The following DOCK8 variants were observed in gnomAD, a reference collection of about 807,000 sequenced individuals.
The protein encoded by DOCK8 is dedicator of cytokinesis protein 8.
In DOCK8, 141 loss-of-function variants were observed where a neutral mutation model predicts 245.6. The ratio of observed to expected loss-of-function variants is 0.57; its 90% confidence interval spans 0.50 to 0.66. The LOEUF is 0.66. DOCK8 is among the 30% of genes least tolerant of loss of function. DOCK8 has a pLI of 0.00. For synonymous variants in DOCK8, 1,168 were observed against 970.2 expected (o/e 1.20, Z -3.79); for missense variants, 2,965 against 2,603.4 (o/e 1.14, Z -3.02).
At chr9:408,900 G>A (rs969691314) in intron 28 of DOCK8, among the ~76,000 whole-genome samples, 13 of 109,818 alleles carry the variant, frequency 1.2e-4, no homozygotes, top group African/African-American at 5.4e-4. Flanking sequence ...ACACACGCGC[G>A]TGCACATGCA....
At chr9:392,222 A>G (rs2054231812) in intron 24 of DOCK8, among the ~76,000 whole-genome samples, 1 of 152,170 alleles carries the variant, frequency 6.6e-6, no homozygotes, top group African/African-American at 2.4e-5. Flanking sequence ...GTTGAAGCCC[A>G]AGAAAAAGGG....
upstream of DOCK8, chr9:213,303 T>C (rs2046651554): frequency 6.6e-6 from 1 of 152,162 alleles, no homozygotes; most frequent in African/African-American, 2.4e-5. Context: ...AGGAAGGCTG[T>C]ATCAGGAAGA....
intron 14 of DOCK8, among the ~76,000 whole-genome samples, chr9:356,741 A>G (rs1034130374): frequency 1.3e-5 from 2 of 152,118 alleles, no homozygotes; most frequent in African/African-American, 4.8e-5. Flanking sequence ...GAGTAAACCA[A>G]TTCATACTAA....
rs891213219 is a variant in DOCK8, at chr9:237,509, G to A, written c.53+22480G>A. 4.6e-5 allele frequency among the ~76,000 whole-genome samples: 7 copies of A among 152,142 alleles called. No homozygotes were observed. The South Asian group carries it at 6.2e-4, about 13-fold the overall frequency. On this transcript the variant is annotated intron_variant, in intron 1 of 47. Coordinates refer to ENST00000432829, the MANE Select transcript of DOCK8 (RefSeq NM_203447.4). ...GTCTCTACAAAAAATACAAAAATTA[G>A]CCAGGCATGGTGGCATGCGCCTGTA...
chr9:403,751 G>A (rs897035016), intron 26 of DOCK8, among the ~76,000 whole-genome samples: 2 of 151,060 alleles, frequency 1.3e-5, no homozygotes, highest in African/African-American at 4.9e-5. Flanking sequence ...TGTAATCCCA[G>A]CTACTCGGGA....
intron 5 of DOCK8, among the ~76,000 whole-genome samples, chr9:311,029 T>C (rs1464871485): frequency 6.6e-6 from 1 of 152,154 alleles, no homozygotes; most frequent in Non-Finnish European, 1.5e-5. Context: ...CTCACCCCTG[T>C]AATCCTAGCA....
chr9:400,995 C>CCAT (rs1224534169), intron 26 of DOCK8, among the ~76,000 whole-genome samples: 1 of 54,636 alleles, frequency 1.8e-5, no homozygotes, highest in East Asian at 6.4e-4. Flanking sequence ...TCCTCCACCA[C>CCAT]CACCACCATT....
At chr9:432,386 G>A in intron 37 of DOCK8, 62 bp downstream of exon 37, 10 of 1,465,716 alleles carry the variant, frequency 6.8e-6, no homozygotes, top group East Asian at 2.3e-5. Context: ...TATTGTGTAT[G>A]TATGTATGTA....
chr9:255,684 A>AC (rs1048525734), intron 1 of DOCK8, among the ~76,000 whole-genome samples: 5 of 151,620 alleles, frequency 3.3e-5, no homozygotes, highest in African/African-American at 1.2e-4. Context: ...AAAAAAAAAA[A>AC]AAAAAAAAAC....
intron 4 of DOCK8, among the ~76,000 whole-genome samples, chr9:293,557 A>G (rs1305817733): frequency 1.3e-5 from 2 of 152,254 alleles, no homozygotes; most frequent in South Asian, 2.1e-4. Context: ...AGATTTCTGT[A>G]TAGACACTGA....
rs1194357762 is a variant in DOCK8 at position 420,532 on chromosome 9, C to T, written c.3972C>T (p.Leu1324=). The change falls in exon 31 of 48, where the codon CTC becomes CTT. Residue 1324 remains leucine (L), a synonymous_variant. Coordinates refer to ENST00000432829, the MANE Select transcript of DOCK8 (RefSeq NM_203447.4). ...TTGCTGACCTGCCATCAACGCAGCT[C>T]AACAGGATTTTAGATCTACTTTTCA... ...KWIADLPSTQ[L]NRILDLLFIC... 1.2e-6 allele frequency: 2 copies of T among 1,614,152 alleles called. No homozygotes were observed. The highest frequency in any genetic ancestry group is 3.3e-5 in the Admixed American group (2 of 60,018).
chr9:374,453 G>GTTT (rs762085208), intron 18 of DOCK8, among the ~76,000 whole-genome samples: 784 of 75,282 alleles, frequency 0.01, 24 homozygotes, highest in East Asian at 0.015. Context: ...GTCCTTTTGT[G>GTTT]TTTTTTTTTT....
intron 18 of DOCK8, among the ~76,000 whole-genome samples, chr9:372,850 C>A (rs377382092): frequency 6.6e-6 from 1 of 151,968 alleles, no homozygotes; most frequent in Non-Finnish European, 1.5e-5. Flanking sequence ...GCCAAGGTGG[C>A]AAAACCCCAT....
intron 46 of DOCK8, 141 bp from the exon 47 acceptor site, chr9:463,376 C>A: frequency 1.1e-6 from 1 of 927,162 alleles, no homozygotes; most frequent in Non-Finnish European, 1.6e-6. Context: ...TTTTGAAAAG[C>A]TCCACAGGTG....
At chr9:443,598 A>G (rs1243209059) in intron 43 of DOCK8, 82 bp downstream of exon 43, 9 of 1,124,538 alleles carry the variant, frequency 8.0e-6, no homozygotes, top group East Asian at 7.1e-5. Flanking sequence ...GATCTCATCT[A>G]TCTGGACTCT....
intron 2 of DOCK8, among the ~76,000 whole-genome samples, chr9:281,197 T>A (rs2048567117): frequency 6.6e-6 from 1 of 151,694 alleles, no homozygotes; most frequent in South Asian, 2.1e-4. Flanking sequence ...GAGGTTGCAG[T>A]GAGCCGAGAT....
At position 311,106 on chromosome 9, in the gene DOCK8, T is replaced by G. The variant is rs963931905; in HGVS notation, c.529-848T>G. Among the ~76,000 whole-genome samples, 5 of 152,080 alleles carry G rather than the reference T, an allele frequency of 3.3e-5. No homozygotes were observed. In the East Asian group the frequency reaches 9.8e-4, roughly 30 times the overall value. ...TTTCAGACCAGCCTGGACAATATGGTGAAACCCTATCTCTACTAAAAATAC... is the reference window on the plus strand; with the variant it reads ...TTTCAGACCAGCCTGGACAATATGGGGAAACCCTATCTCTACTAAAAATAC... On this transcript the variant is annotated intron_variant, in intron 5 of 47. Coordinates refer to ENST00000432829, the MANE Select transcript of DOCK8 (RefSeq NM_203447.4).
chr9:384,914 T>TC (rs1163761517), intron 22 of DOCK8, among the ~76,000 whole-genome samples: 1 of 151,978 alleles, frequency 6.6e-6, no homozygotes, highest in Non-Finnish European at 1.5e-5. Context: ...AGACTACGTC[T>TC]AAAAAAATAA....
In DOCK8 at chr9:442,002, G is replaced by C; in HGVS notation, c.5483G>C (p.Arg1828Thr). 1.2e-6 allele frequency: 2 copies of C among 1,613,962 alleles called. No homozygotes were observed. Among genetic ancestry groups the C allele is most frequent in the Non-Finnish European group, 1.7e-6 (2 of 1,180,008 alleles). The change falls in exon 42 of 48, where the codon AGA becomes ACA. Residue 1828 changes from arginine (R) to threonine (T), a missense_variant. Physicochemically the swap from Arg to Thr is moderately conservative, Grantham distance 71. Around this residue, in one of 3 missense-constraint regions of DOCK8, gnomAD observed 2,825 missense variants for 2,453.5 expected, o/e 1.15. Coordinates refer to ENST00000432829, the MANE Select transcript of DOCK8 (RefSeq NM_203447.4). ...AITKLPEISH[R>T]LEAFYGQCFG... ...ACCAAGCTTCCTGAGATCTCACATA[G>C]ACTAGAGGTAAGAAAAGTGATTCTG...
Sources: gnomAD v4.1 joint callset for allele counts (sites outside exome capture counted in the v4.1 genomes callset) on GRCh38, gnomAD v4.1.1 for gene constraint, gnomAD v4.1.1 regional missense constraint, MANE v1.5 for transcripts, NCBI Gene and HGNC (gene_info 2026-07-23, HGNC 2026-07-21) for gene names.